The following MASP1 variants were observed in gnomAD, a reference collection of about 807,000 sequenced individuals.
MASP1 encodes MBL associated serine protease 1.
MASP1 carries 59 observed loss-of-function variants against 77.1 expected under a neutral mutation model. The observed-to-expected ratio is 0.77, with a 90% CI of 0.62 to 0.95. The LOEUF is 0.95. MASP1 is among the 40% of genes least tolerant of loss of function. The pLI is 0.00. For missense variants in MASP1, 885 were observed against 912.9 expected, an observed-to-expected ratio of 0.97 and a Z score of 0.39; for synonymous variants, 362 against 354.5, an observed-to-expected ratio of 1.02 and a Z score of -0.24.
chr3:187,283,191 A>G (rs114161394), intron 2 of MASP1, among the ~76,000 whole-genome samples: 1,676 of 152,346 alleles, frequency 0.011, 26 homozygotes, highest in East Asian at 0.03. Flanking sequence ...CACTCTAGAT[A>G]GAAACCATCA....
rs117335165 is a variant in MASP1 at position 187,274,775 on chromosome 3, G to A, written c.237+11050C>T. On this transcript the variant is annotated intron_variant, in intron 2 of 10. Transcript: ENST00000296280. The stretch of plus-strand genomic sequence containing the variant: ...CAGAGAAACAGCTGGCAGGTCCTAA[G>A]AGTCCAAGAATCCCACTGCTGCCAG... Among the ~76,000 whole-genome samples, 78 of 152,324 alleles carry A rather than the reference G, an allele frequency of 5.1e-4. No homozygotes were observed. In the East Asian group the frequency reaches 0.014, roughly 27 times the overall value.
intron 10 of MASP1, among the ~76,000 whole-genome samples, chr3:187,240,224 G>A (rs912252339): frequency 4.0e-5 from 6 of 148,678 alleles, no homozygotes; most frequent in Admixed American, 1.4e-4. Context: ...TATACCAACC[G>A]TGTACTAGTA....
chr3:187,223,136 G>C, exon 14 of MASP1: 1 of 1,613,958 alleles, frequency 6.2e-7, no homozygotes, highest in Non-Finnish European at 8.5e-7. Flanking sequence ...CCTCCATCAG[G>C]GTCTCTGGGA....
intron 4 of MASP1, among the ~76,000 whole-genome samples, chr3:187,260,215 A>G (rs992076428): frequency 1.3e-5 from 2 of 152,166 alleles, no homozygotes; most frequent in African/African-American, 4.8e-5. Context: ...AGACTATAGC[A>G]TAGTAGGTAC....
chr3:187,220,656 C>T (rs547857078), intron 15 of MASP1, among the ~76,000 whole-genome samples: 1 of 152,032 alleles, frequency 6.6e-6, no homozygotes, highest in South Asian at 2.1e-4. Context: ...TGCCACCATG[C>T]CCGGCTAATT....
Position 187,234,855 on chromosome 3 carries a change from T to A in MASP1, c.*829A>T. On this transcript the variant is annotated 3_prime_UTR_variant, in exon 11 of 11. Coordinates refer to ENST00000296280, the MANE Select transcript of MASP1 (RefSeq NM_139125.4). Reference sequence around the variant, plus strand: ...ATACATTTCAAGGCTGAAAGATTGCTTTGTGCTTGTCTGGAGCAGCAGGTG... The same window carrying A: ...ATACATTTCAAGGCTGAAAGATTGCATTGTGCTTGTCTGGAGCAGCAGGTG... 1 of 1,287,266 alleles carries A rather than the reference T, an allele frequency of 7.8e-7. No individual in the cohort carries two copies. Among genetic ancestry groups the A allele is most frequent in the Non-Finnish European group, 1.0e-6 (1 of 988,714 alleles). The allele number at this position is 1,287,266 out of a possible 1,614,324, so 79.7% of individuals were successfully genotyped here.
At chr3:187,237,699 C>T (rs780471074) in intron 10 of MASP1, among the ~76,000 whole-genome samples, 5 of 152,240 alleles carry the variant, frequency 3.3e-5, no homozygotes, top group Admixed American at 1.3e-4. Context: ...ACCAGGCCCC[C>T]GCTGGCTAAG....
intron 5 of MASP1, among the ~76,000 whole-genome samples, chr3:187,255,487 T>C (rs1335079603): frequency 6.6e-6 from 1 of 152,220 alleles, no homozygotes; most frequent in Non-Finnish European, 1.5e-5. Context: ...AGAACCCCAT[T>C]GTGCTCACTG....
chr3:187,220,060 AG>A, exon 16 of MASP1: 1 of 1,613,076 alleles, frequency 6.2e-7, no homozygotes, highest in East Asian at 2.2e-5. Context: ...GCTGGGGCTG[AG>A]GAGCCAAATT....
At chr3:187,226,247 T>G in intron 12 of MASP1, 1 of 666,172 alleles carries the variant, frequency 1.5e-6, no homozygotes, top group Non-Finnish European at 2.8e-6. Context: ...GAGAATCATA[T>G]CTTGCACTTG....
At position 187,236,564 on chromosome 3, in the gene MASP1, C is replaced by T. The variant is rs894756307; in HGVS notation, c.1307G>A (p.Cys436Tyr). The change falls in exon 11 of 11, where the codon TGT becomes TAT. Residue 436 changes from cysteine (C) to tyrosine (Y), a missense_variant. Coordinates refer to ENST00000296280, the MANE Select transcript of MASP1 (RefSeq NM_139125.4). ...TGGCAGGGAGCGGGAGGGCTGACCA[C>T]ACTCTGTAAGGAGAAAGAGGGAGCA... ...GRSLPTCLPECGQPSRSLPSL... is the reference protein window; with the variant it reads ...GRSLPTCLPEYGQPSRSLPSL... 6.2e-7 allele frequency: 1 copy of T among 1,613,908 alleles called. No individual in the cohort carries two copies. The highest frequency in any genetic ancestry group is 8.5e-7 in the Non-Finnish European group (1 of 1,179,936).
At chr3:187,242,240 A>G in intron 9 of MASP1, 1 of 152,788 alleles carries the variant, frequency 6.5e-6, no homozygotes, top group African/African-American at 2.4e-5. Flanking sequence ...GGCCAGGTGC[A>G]GTGGCTCACG....
At chr3:187,231,699 C>T (rs368652012), downstream of MASP1, among the ~76,000 whole-genome samples, 23 of 152,378 alleles carry the variant, frequency 1.5e-4, 2 homozygotes, top group African/African-American at 5.3e-4. Flanking sequence ...GGAGCATCCA[C>T]GGTTTTAAGC....
intron 13 of MASP1, chr3:187,225,303 G>A: frequency 6.2e-7 from 1 of 1,612,234 alleles, no homozygotes; most frequent in Non-Finnish European, 8.5e-7. Context: ...GCCCTGCAGA[G>A]GTGGAGGTAG....
rs747657898 is a variant in MASP1 at position 187,236,323 on chromosome 3, G to T, written c.1548C>A (p.Val516=). 5 of 1,614,158 alleles carry T rather than the reference G, an allele frequency of 3.1e-6. No individual in the cohort carries two copies. The East Asian group carries it at 1.1e-4, about 36-fold the overall frequency. The change falls in exon 11 of 11, where the codon GTC becomes GTA. Residue 516 remains valine (V), a synonymous_variant. Transcript: ENST00000296280. ...CATCATGCAAGCCCAGGTAGACGGT[G>T]ACATGCTCCTTGGAGACTGGTATCA... ...TTVIPVSKEH[V]TVYLGLHDVR...
exon 16 of MASP1, chr3:187,217,468 C>T (rs1711834272): frequency 6.6e-6 from 1 of 152,096 alleles, no homozygotes; most frequent in African/African-American, 2.4e-5. Context: ...AAGAGGAGAC[C>T]TTTTAAAGAG....
At chr3:187,225,268 C>T (rs545469648) in intron 13 of MASP1, 78 of 1,589,110 alleles carry the variant, frequency 4.9e-5, no homozygotes, top group Non-Finnish European at 5.9e-5. Flanking sequence ...AACGTGAAGA[C>T]GGACTCCTTG....
At chr3:187,286,466 T>C (rs1560040159) in intron 1 of MASP1, among the ~76,000 whole-genome samples, 1 of 152,244 alleles carries the variant, frequency 6.6e-6, no homozygotes, top group African/African-American at 2.4e-5. Flanking sequence ...AATGCATTGA[T>C]GGAATCTGTA....
chr3:187,260,962 A>T, intron 3 of MASP1, 90 bp from the exon 4 acceptor site: 1 of 1,428,046 alleles, frequency 7.0e-7, no homozygotes, highest in Non-Finnish European at 9.9e-7. Flanking sequence ...TGGGCCACTC[A>T]CTATGTTAGG....
Sources: allele counts gnomAD v4.1 joint callset (sites outside exome capture counted in the v4.1 genomes callset), GRCh38; gene constraint gnomAD v4.1.1; transcripts MANE v1.5; gene names NCBI Gene and HGNC (gene_info 2026-07-23, HGNC 2026-07-21).